THSD7A: variants seen among roughly 807,000 people sequenced by gnomAD.
THSD7A encodes the protein thrombospondin type 1 domain containing 7A, also known as thrombospondin type-1 domain-containing protein 7A.
Under a neutral mutation model 231.3 loss-of-function variants are expected in THSD7A, and 96 were observed. That is an observed-to-expected ratio of 0.41 (90% CI 0.35 to 0.49). THSD7A has a LOEUF of 0.49. Ranked by LOEUF, THSD7A falls within the 20% of genes least tolerant of loss-of-function variation. The probability of loss-of-function intolerance (pLI) is 0.05; values close to 1 mark genes in which losing one functional copy is unlikely to be tolerated. For missense variants in THSD7A, 2,290 were observed against 2,070.2 expected, an observed-to-expected ratio of 1.11 and a Z score of -2.06; for synonymous variants, 940 against 743.3, an observed-to-expected ratio of 1.26 and a Z score of -4.30.
At chr7:11,456,184 T>C (rs1400504362) in intron 11 of THSD7A, among the ~76,000 whole-genome samples, 1 of 152,032 alleles carries the variant, frequency 6.6e-6, no homozygotes, top group African/African-American at 2.4e-5. Context: ...TATGTGTACT[T>C]AGTAAATTAA....
chr7:11,395,158 G>A (rs2115340415), intron 23 of THSD7A, among the ~76,000 whole-genome samples: 1 of 145,436 alleles, frequency 6.9e-6, no homozygotes, highest in Admixed American at 6.9e-5. Context: ...AAAAAAAAAA[G>A]CAGGGGTTAC....
Position 11,566,974 on chromosome 7 carries a change from G to T in THSD7A, c.1453+23486C>A, listed in dbSNP as rs976875462. Among the ~76,000 whole-genome samples the T allele has an allele frequency of 9.9e-5, 13 of 131,088 alleles. 3 individuals carry two copies. The East Asian group carries it at 1.0e-3, about 10-fold the overall frequency. The allele number at this position is 131,088 out of a possible 152,430, so 86.0% of individuals were successfully genotyped here. A position where few individuals can be genotyped will look rare whatever the true frequency, so the allele number is the denominator to read the frequency against. On this transcript the variant is annotated intron_variant, in intron 4 of 27. Coordinates refer to ENST00000423059, the MANE Select transcript of THSD7A (RefSeq NM_015204.3). ...TCCAGCTGTGGGAGAGTGGGGGGGG[G>T]ACTGACCAACAAAGTTTCCTAAAGT... is the stretch of plus-strand genomic sequence containing the variant.
intron 4 of THSD7A, among the ~76,000 whole-genome samples, chr7:11,587,285 T>C (rs113651213): frequency 2.0e-5 from 3 of 152,292 alleles, no homozygotes; most frequent in African/African-American, 7.2e-5. Context: ...AGCTGGACAT[T>C]CTTCACATAT....
chr7:11,756,042 T>C (rs904872557), intron 1 of THSD7A, among the ~76,000 whole-genome samples: 6 of 152,082 alleles, frequency 3.9e-5, no homozygotes, highest in Admixed American at 6.6e-5. Context: ...AAAAGACACT[T>C]ATCTCATAGC....
chr7:11,533,706 T>C (rs1788798117), intron 6 of THSD7A, among the ~76,000 whole-genome samples: 1 of 151,914 alleles, frequency 6.6e-6, no homozygotes, highest in Non-Finnish European at 1.5e-5. Flanking sequence ...CACAGGGACA[T>C]AGGAAACAAT....
intron 1 of THSD7A, among the ~76,000 whole-genome samples, chr7:11,781,938 C>G (rs1158202190): frequency 6.6e-6 from 1 of 152,070 alleles, no homozygotes; most frequent in African/African-American, 2.4e-5. Context: ...TTTCAGGAGT[C>G]TTTCCTCTGT....
At chr7:11,801,437 T>C (rs1260802526) in intron 1 of THSD7A, among the ~76,000 whole-genome samples, 1 of 152,104 alleles carries the variant, frequency 6.6e-6, no homozygotes, top group East Asian at 1.9e-4. Context: ...GATAAGTGAA[T>C]TGAAGCATAG....
At chr7:11,569,815 C>A (rs755994504) in intron 4 of THSD7A, among the ~76,000 whole-genome samples, 3 of 152,176 alleles carry the variant, frequency 2.0e-5, no homozygotes, top group Non-Finnish European at 2.9e-5. Context: ...ATATTTGGTA[C>A]ATGTACACAA....
chr7:11,753,136 A>G (rs942758808), intron 1 of THSD7A, among the ~76,000 whole-genome samples: 1 of 152,082 alleles, frequency 6.6e-6, no homozygotes, highest in African/African-American at 2.4e-5. Context: ...CAAAATATCT[A>G]TTTATATATC....
intron 1 of THSD7A, among the ~76,000 whole-genome samples, chr7:11,807,795 C>T (rs915809926): frequency 5.3e-5 from 8 of 152,104 alleles, no homozygotes; most frequent in African/African-American, 1.9e-4. Context: ...TATTTTGCTA[C>T]AACTAAAATA....
chr7:11,529,362 T>G (rs1788607496), intron 6 of THSD7A, among the ~76,000 whole-genome samples: 1 of 152,298 alleles, frequency 6.6e-6, no homozygotes, highest in Non-Finnish European at 1.5e-5. Context: ...GAGTGTGTTA[T>G]GAAAATAAAT....
At chr7:11,549,709 T>C (rs779242799) in intron 4 of THSD7A, among the ~76,000 whole-genome samples, 5 of 152,102 alleles carry the variant, frequency 3.3e-5, no homozygotes, top group Non-Finnish European at 7.3e-5. Flanking sequence ...TTTTCACTTA[T>C]AAGTAGAAGC....
intron 1 of THSD7A, among the ~76,000 whole-genome samples, chr7:11,718,555 G>A (rs997997289): frequency 6.6e-6 from 1 of 151,560 alleles, no homozygotes; most frequent in African/African-American, 2.4e-5. Context: ...ATTAAACAGT[G>A]TACAATTGTC....
At chr7:11,623,680 C>T (rs17164909) in intron 2 of THSD7A, among the ~76,000 whole-genome samples, 8,981 of 152,094 alleles carry the variant, frequency 0.059, 435 homozygotes, top group East Asian at 0.22. Flanking sequence ...TCTCCCTCTT[C>T]GGCAGGGTCA....
intron 1 of THSD7A, among the ~76,000 whole-genome samples, chr7:11,789,727 T>C (rs1783892881): frequency 2.0e-5 from 3 of 152,026 alleles, no homozygotes; most frequent in African/African-American, 7.2e-5. Flanking sequence ...GACAACTTCA[T>C]TGCCTTTTAC....
chr7:11,374,823 G>A lies in THSD7A; in HGVS notation c.*971C>T, dbSNP rs188650710. ...AAGTGTGTGTACAGCAGGTGTAATAGCTGATTTCATCTTGCTGCCATCCAA... is the reference window on the plus strand; with the variant it reads ...AAGTGTGTGTACAGCAGGTGTAATAACTGATTTCATCTTGCTGCCATCCAA... On this transcript the variant is annotated 3_prime_UTR_variant, in exon 28 of 28. Coordinates refer to ENST00000423059, the MANE Select transcript of THSD7A (RefSeq NM_015204.3). 1 of 151,994 alleles carries A rather than the reference G, an allele frequency of 6.6e-6. No homozygotes were observed. Among genetic ancestry groups the A allele is most frequent in the Non-Finnish European group, 1.5e-5 (1 of 67,974 alleles). The allele number at this position is 151,994 out of a possible 1,614,324, so 9.4% of individuals were successfully genotyped here.
At chr7:11,755,050 A>G (rs7801944) in intron 1 of THSD7A, among the ~76,000 whole-genome samples, 98,986 of 151,692 alleles carry the variant, frequency 0.65, 32,943 homozygotes, top group African/African-American at 0.8. Flanking sequence ...CATGATCAGT[A>G]GTTCTTAACC....
intron 1 of THSD7A, among the ~76,000 whole-genome samples, chr7:11,797,733 C>G (rs1441435414): frequency 6.6e-6 from 1 of 151,972 alleles, no homozygotes; most frequent in Non-Finnish European, 1.5e-5. Context: ...TTTTCATTTT[C>G]TAATAAGAGA....
chr7:11,615,907 T>C (rs1781088452), intron 2 of THSD7A, among the ~76,000 whole-genome samples: 1 of 152,196 alleles, frequency 6.6e-6, no homozygotes, highest in Admixed American at 6.5e-5. Flanking sequence ...ATAATATTTA[T>C]TTATGTCTTC....
Sources: gnomAD v4.1 joint callset for allele counts (sites outside exome capture counted in the v4.1 genomes callset) on GRCh38, gnomAD v4.1.1 for gene constraint, MANE v1.5 for transcripts, NCBI Gene and HGNC (gene_info 2026-07-23, HGNC 2026-07-21) for gene names.